The following HEATR6 variants were observed in gnomAD, a reference collection of about 807,000 sequenced individuals.
HEATR6 encodes the protein HEAT repeat containing 6.
A neutral mutation model predicts 132.8 loss-of-function variants in HEATR6; 106 were observed. The observed-to-expected ratio is 0.80, with a 90% CI of 0.68 to 0.94. HEATR6 has a LOEUF of 0.94. Among genes scored for constraint, HEATR6 ranks in the 40% least tolerant of loss-of-function variants. The pLI is 0.00. For missense variants in HEATR6, 1,339 were observed against 1,425.1 expected, an observed-to-expected ratio of 0.94 and a Z score of 0.97; for synonymous variants, 529 against 537.8, an observed-to-expected ratio of 0.98 and a Z score of 0.23.
intron 11 of HEATR6, among the ~76,000 whole-genome samples, chr17:60,059,164 A>G (rs1906851489): frequency 6.6e-6 from 1 of 152,134 alleles, no homozygotes; most frequent in African/African-American, 2.4e-5. Flanking sequence ...CTTAATTCTA[A>G]AGGGATACTC....
chr17:60,049,481 G>T (rs1906509671), intron 16 of HEATR6, 99 bp downstream of exon 16: 3 of 1,376,822 alleles, frequency 2.2e-6, no homozygotes, highest in Non-Finnish European at 3.0e-6. Flanking sequence ...AAGCAATTTA[G>T]TTTCCTTTAC....
chr17:60,077,088 C>G (rs192391911), intron 1 of HEATR6, among the ~76,000 whole-genome samples: 1 of 152,086 alleles, frequency 6.6e-6, no homozygotes, highest in East Asian at 1.9e-4. Context: ...CAAACATGTT[C>G]CTGAACCTCA....
intron 14 of HEATR6, among the ~76,000 whole-genome samples, chr17:60,052,895 G>A (rs950020020): frequency 2.0e-5 from 3 of 152,168 alleles, no homozygotes; most frequent in Non-Finnish European, 4.4e-5. Flanking sequence ...CTATGTGTTA[G>A]CATCTTTACA....
Position 60,048,391 on chromosome 17 carries a change from G to A in HEATR6, c.2548-3C>T. The A allele has an allele frequency of 1.2e-6, 2 of 1,609,508 alleles. No homozygotes were observed. The highest frequency in any genetic ancestry group is 1.7e-6 in the Non-Finnish European group (2 of 1,176,678). ...GCGTCTGCAACAAATATGACATCCT[G>A]TAACACAAAACAAAACACTGCAGTT... On this transcript the variant is annotated splice_polypyrimidine_tract_variant and splice_region_variant and intron_variant, in intron 16 of 19. Coordinates refer to ENST00000184956, the MANE Select transcript of HEATR6 (RefSeq NM_022070.5).
intron 10 of HEATR6, 32 bp from the exon 11 acceptor site, chr17:60,059,553 G>T: frequency 6.9e-7 from 1 of 1,457,658 alleles, no homozygotes; most frequent in Non-Finnish European, 9.6e-7. Flanking sequence ...TCATCAAAAG[G>T]CTTGATTAAA....
At chr17:60,055,710 G>C in intron 13 of HEATR6, 109 bp from the exon 14 acceptor site, 1 of 639,024 alleles carries the variant, frequency 1.6e-6, no homozygotes, top group Non-Finnish European at 2.7e-6. Flanking sequence ...ACCTCCACTC[G>C]AGTAACACCT....
rs147824541 is a variant in HEATR6 at position 60,041,820 on chromosome 17, C to T, written c.*1743G>A. On this transcript the variant is annotated 3_prime_UTR_variant, in exon 20 of 20. Coordinates refer to ENST00000184956, the MANE Select transcript of HEATR6 (RefSeq NM_022070.5). ...AAAATGGAAGACACCTGCCTTTACA[C>T]GTGTATTTTAAGCTAAATAACCATG... 2.4e-3 allele frequency among the ~76,000 whole-genome samples: 373 copies of T among 152,266 alleles called. No individual in the cohort carries two copies. The highest frequency in any genetic ancestry group is 4.1e-3 in the Non-Finnish European group (281 of 68,022).
At position 60,046,050 on chromosome 17, in the gene HEATR6, T is replaced by A. The variant is rs1906353895; in HGVS notation, c.2949A>T (p.Val983=). Residue 983 remains valine, a synonymous_variant, in exon 19 of 20, where the codon GTA becomes GTT. Coordinates refer to ENST00000184956, the MANE Select transcript of HEATR6 (RefSeq NM_022070.5). ...CTAAAGGAAGGGCAGGATTTTTAAATACATTTCCCATTGCATAACAAGCAT... is the reference window on the plus strand; with the variant it reads ...CTAAAGGAAGGGCAGGATTTTTAAAAACATTTCCCATTGCATAACAAGCAT... ...RWNACYAMGN[V]FKNPALPLGT... 6.2e-7 allele frequency: 1 copy of A among 1,613,964 alleles called. No homozygotes were observed. The highest frequency in any genetic ancestry group is 1.1e-5 in the South Asian group (1 of 91,062).
chr17:60,066,420 T>C lies in HEATR6; in HGVS notation c.1239-34A>G, dbSNP rs1597954169. Reference sequence around the variant, plus strand: ...ACCAAGAGAAAAAAGAAAAAACACTTAAAAAATCATTTTTTTAAAAAAAAT... The same window carrying C: ...ACCAAGAGAAAAAAGAAAAAACACTCAAAAAATCATTTTTTTAAAAAAAAT... On this transcript the variant is annotated intron_variant, in intron 8 of 19. Coordinates refer to ENST00000184956, the MANE Select transcript of HEATR6 (RefSeq NM_022070.5). 2.0e-6 allele frequency: 3 copies of C among 1,465,594 alleles called. No individual in the cohort carries two copies. In the East Asian group the frequency reaches 7.0e-5, roughly 34 times the overall value. The allele number at this position is 1,465,594 out of a possible 1,614,324, so 90.8% of individuals were successfully genotyped here.
chr17:60,060,163 C>G (rs1039710419), intron 9 of HEATR6, 67 bp from the exon 10 acceptor site: 3 of 1,026,242 alleles, frequency 2.9e-6, no homozygotes, highest in Non-Finnish European at 4.5e-6. Context: ...TCTTCCTATA[C>G]ATATTTAATG....
chr17:60,052,127 G>C (rs1181724277), intron 14 of HEATR6, among the ~76,000 whole-genome samples: 2 of 152,224 alleles, frequency 1.3e-5, no homozygotes, highest in Non-Finnish European at 2.9e-5. Flanking sequence ...TGTCCTCATG[G>C]GGAGGAAATG....
chr17:60,047,915 A>AT (rs1335762356), intron 17 of HEATR6, among the ~76,000 whole-genome samples: 2 of 151,984 alleles, frequency 1.3e-5, no homozygotes, highest in African/African-American at 4.8e-5. Flanking sequence ...TACTATCTGG[A>AT]TTTTTTTTAG....
At position 60,043,134 on chromosome 17, in the gene HEATR6, A is replaced by G; in HGVS notation, c.*429T>C. 1 of 249,118 alleles carries G rather than the reference A, an allele frequency of 4.0e-6. No individual in the cohort carries two copies. The highest frequency in any genetic ancestry group is 8.0e-6 in the Non-Finnish European group (1 of 125,382). The allele number at this position is 249,118 out of a possible 1,614,324, so 15.4% of individuals were successfully genotyped here. ...GGCCAGGACAAACTGGCTGAACTGC[A>G]GCTCTGCTTGCAGCTTGCTAGAAAT... is the stretch of plus-strand genomic sequence containing the variant. On this transcript the variant is annotated 3_prime_UTR_variant, in exon 20 of 20. Coordinates refer to ENST00000184956, the MANE Select transcript of HEATR6 (RefSeq NM_022070.5).
At chr17:60,059,338 A>G in intron 11 of HEATR6, 84 bp downstream of exon 11, 3 of 742,794 alleles carry the variant, frequency 4.0e-6, no homozygotes, top group Non-Finnish European at 6.6e-6. Flanking sequence ...TTGAATATAT[A>G]CATATATCTA....
chr17:60,057,007 G>A (rs948785035), intron 12 of HEATR6, 41 bp downstream of exon 12: 1 of 1,430,820 alleles, frequency 7.0e-7, no homozygotes, highest in Admixed American at 2.0e-5. Context: ...AAGGAGGAAT[G>A]GTTACTTCCA....
intron 10 of HEATR6, 83 bp downstream of exon 10, chr17:60,059,807 T>G: frequency 9.9e-7 from 1 of 1,005,976 alleles, no homozygotes; most frequent in Non-Finnish European, 1.5e-6. Context: ...TATTCTTAAG[T>G]CAAGTTACTT....
At chr17:60,052,456 T>A (rs996911140) in intron 14 of HEATR6, among the ~76,000 whole-genome samples, 8 of 151,906 alleles carry the variant, frequency 5.3e-5, no homozygotes, top group African/African-American at 1.9e-4. Context: ...ACTACCTGAG[T>A]GTGAACAGTT....
At position 60,067,661 on chromosome 17, in the gene HEATR6, A is replaced by G; in HGVS notation, c.1011T>C (p.Ser337=). ...QQGEEEEKES[S]GEIEAAPVTG... ...TGACTGGGGCTGCCTCTATTTCACC[A>G]CTGGATTCCTTTTCCTCCTCCTCTC... Residue 337 remains serine (S), a synonymous_variant, in exon 8 of 20, where the codon AGT becomes AGC. Coordinates refer to ENST00000184956, the MANE Select transcript of HEATR6 (RefSeq NM_022070.5). 6.2e-7 allele frequency: 1 copy of G among 1,612,608 alleles called. No homozygotes were observed. Among genetic ancestry groups the G allele is most frequent in the Non-Finnish European group, 8.5e-7 (1 of 1,179,532 alleles).
At chr17:60,049,948 T>C (rs748240814) in intron 15 of HEATR6, among the ~76,000 whole-genome samples, 2 of 152,208 alleles carry the variant, frequency 1.3e-5, no homozygotes, top group Admixed American at 6.5e-5. Flanking sequence ...GCCTTCTTTA[T>C]AGAAGCTCAT....
Sources: gnomAD v4.1 joint callset for allele counts (sites outside exome capture counted in the v4.1 genomes callset) on GRCh38, gnomAD v4.1.1 for gene constraint, MANE v1.5 for transcripts, NCBI Gene and HGNC (gene_info 2026-07-23, HGNC 2026-07-21) for gene names.